TMEM94: variants seen among roughly 807,000 people sequenced by gnomAD.
The protein encoded by TMEM94 is transmembrane protein 94, also known as ER Mg2+ ATPase.
A neutral mutation model predicts 158.6 loss-of-function variants in TMEM94; 81 were observed. That is an observed-to-expected ratio of 0.51 (90% confidence interval 0.43 to 0.61). The LOEUF is 0.61. Ranked by LOEUF, TMEM94 falls within the 20% of genes least tolerant of loss-of-function variation. The pLI, the probability that TMEM94 is intolerant of heterozygous loss-of-function variation, is 0.00. For synonymous variants in TMEM94, 751 were observed against 730.7 expected (o/e 1.03, Z -0.45); for missense variants, 1,435 against 1,762.0 (o/e 0.81, Z 3.32).
intron 1 of TMEM94, chr17:75,459,861 T>A (rs1490956887): frequency 2.6e-5 from 4 of 152,164 alleles, no homozygotes; most frequent in African/African-American, 9.7e-5. Context: ...TGATAGGATT[T>A]AAAAATATTG....
rs749164900 is a variant in TMEM94 at position 75,463,178 on chromosome 17, G to GTATATATATATA, written c.-107+6436_-107+6447dup. On this transcript the variant is annotated intron_variant, in intron 1 of 31. Transcript: ENST00000314256. Reference sequence around the variant, plus strand: ...TATATATATGTGTGTGTGTGTGTGTGTATATATATATATATATATACAGTT... The same window carrying GTATATATATATA: ...TATATATATGTGTGTGTGTGTGTGTGTATATATATATATATATATATATATATATATACAGTT... 3.6e-3 allele frequency among the ~76,000 whole-genome samples: 54 copies of GTATATATATATA among 15,072 alleles called. 5 individuals carry two copies. The highest frequency in any genetic ancestry group is 8.4e-3 in the African/African-American group (51 of 6,052). The allele number at this position is 15,072 out of a possible 152,430, so 9.9% of individuals were successfully genotyped here.
chr17:75,459,094 T>C (rs1427762866), intron 1 of TMEM94, among the ~76,000 whole-genome samples: 1 of 149,894 alleles, frequency 6.7e-6, no homozygotes, highest in Non-Finnish European at 1.5e-5. Flanking sequence ...ACAAATAAAA[T>C]GTAGACTATG....
chr17:75,482,070 C>G (rs1036450666), intron 2 of TMEM94, among the ~76,000 whole-genome samples: 6 of 151,670 alleles, frequency 4.0e-5, no homozygotes, highest in Non-Finnish European at 4.4e-5. Flanking sequence ...GGGCCAGGCA[C>G]AGTGGCTCAG....
chr17:75,469,862 C>T (rs1050077232), intron 1 of TMEM94, among the ~76,000 whole-genome samples: 2 of 151,988 alleles, frequency 1.3e-5, no homozygotes, highest in East Asian at 2.0e-4. Flanking sequence ...CACCTGAGGT[C>T]GGGAGTTTGA....
intron 2 of TMEM94, chr17:75,476,724 A>G (rs1470302787): frequency 5.2e-6 from 8 of 1,535,490 alleles, no homozygotes; most frequent in Middle Eastern, 1.7e-4. Flanking sequence ...TGGATGCCCC[A>G]TCAGGGCAAA....
At position 75,495,883 on chromosome 17, in the gene TMEM94, C is replaced by T. The variant is rs1047462863; in HGVS notation, c.2945-83C>T. The T allele has an allele frequency of 8.7e-6, 9 of 1,031,872 alleles. No homozygotes were observed. The highest frequency in any genetic ancestry group is 1.2e-5 in the Non-Finnish European group (8 of 674,582). The allele number at this position is 1,031,872 out of a possible 1,614,324, so 63.9% of individuals were successfully genotyped here. A position where few individuals can be genotyped will look rare whatever the true frequency, so the allele number is the denominator to read the frequency against. The stretch of plus-strand genomic sequence containing the variant: ...GGGGCCCACCTCCCATCGCCTCCTG[C>T]TCTCCTGTCCCATGGGTCTCTGCCC... On this transcript the variant is annotated intron_variant, in intron 22 of 31. Transcript: ENST00000314256. The surrounding 1 kb of genome is among the most constrained non-coding windows in gnomAD (Gnocchi z 5.6).
chr17:75,498,000 C>T (rs1330370126), intron 27 of TMEM94, 138 bp downstream of exon 27: 7 of 1,170,100 alleles, frequency 6.0e-6, no homozygotes, highest in Non-Finnish European at 8.6e-6. Flanking sequence ...CTAGTCTTCC[C>T]CCAGATCAAA....
intron 1 of TMEM94, among the ~76,000 whole-genome samples, chr17:75,465,654 TTTA>T (rs1405707529): frequency 3.0e-3 from 208 of 68,362 alleles, no homozygotes; most frequent in Non-Finnish European, 4.7e-3. Context: ...TATAAGAATT[TTTA>T]TATATATATA....
chr17:75,477,542 C>G (rs370864347), intron 2 of TMEM94, among the ~76,000 whole-genome samples: 2 of 152,054 alleles, frequency 1.3e-5, no homozygotes, highest in African/African-American at 2.4e-5. Context: ...AGCCACCATG[C>G]CCAGCCAGCC....
At chr17:75,497,344 C>G (rs1399991974) in intron 26 of TMEM94, 146 bp downstream of exon 26, 1 of 130,118 alleles carries the variant, frequency 7.7e-6, no homozygotes. Flanking sequence ...CCCCCTTTGT[C>G]TTTTTTTTTT....
Position 75,462,001 on chromosome 17 carries a change from G to GTTTTTTTTTTTTTTTTTT in TMEM94, c.-107+5254_-107+5255insTTTTTTTTTTTTTTTTTT, listed in dbSNP as rs1230233393. Among the ~76,000 whole-genome samples, 31 of 85,690 alleles carry GTTTTTTTTTTTTTTTTTT rather than the reference G, an allele frequency of 3.6e-4. 5 individuals carry two copies. The highest frequency in any genetic ancestry group is 4.7e-4 in the Non-Finnish European group (23 of 48,618). 56.2% of individuals were successfully genotyped at this position (85,690 alleles called of 152,430 possible). ...TAAATTTTACAGTTTTTTTTGTTTT[G>GTTTTTTTTTTTTTTTTTT]TTTTGTTTTGTTTTTTTTTTTTTTG... On this transcript the variant is annotated intron_variant, in intron 1 of 31. Coordinates refer to ENST00000314256, the MANE Select transcript of TMEM94 (RefSeq NM_014738.6).
intron 2 of TMEM94, among the ~76,000 whole-genome samples, chr17:75,482,286 C>T (rs912035592): frequency 2.7e-5 from 4 of 150,708 alleles, no homozygotes; most frequent in Non-Finnish European, 5.9e-5. Context: ...GCAGAAGTTG[C>T]AGTGAGCTGA....
At chr17:75,499,133 C>G in intron 31 of TMEM94, 51 bp downstream of exon 31, 1 of 1,579,216 alleles carries the variant, frequency 6.3e-7, no homozygotes, top group Non-Finnish European at 8.6e-7. Flanking sequence ...GTTCCCTAAA[C>G]CTGTTACTCC....
chr17:75,481,204 C>T (rs1296980685), intron 2 of TMEM94, among the ~76,000 whole-genome samples: 1 of 152,270 alleles, frequency 6.6e-6, no homozygotes, highest in East Asian at 1.9e-4. Context: ...ACCATGGCCT[C>T]TTTGGGAGGC....
intron 1 of TMEM94, among the ~76,000 whole-genome samples, chr17:75,463,178 G>GTGTGTGTGTATATATATATATATA (rs1180723796): frequency 1.3e-4 from 2 of 15,062 alleles, no homozygotes; most frequent in African/African-American, 3.3e-4. Context: ...GTGTGTGTGT[G>GTGTGTGTGTATATATATATATATA]TATATATATA....
rs2051940264 is a variant in TMEM94, at chr17:75,489,440, C to A, written c.867+72C>A. The A allele has an allele frequency of 4.0e-6, 6 of 1,515,896 alleles. No homozygotes were observed. In the South Asian group the frequency reaches 5.6e-5, roughly 14 times the overall value. The allele number at this position is 1,515,896 out of a possible 1,614,324, so 93.9% of individuals were successfully genotyped here. A position where few individuals can be genotyped will look rare whatever the true frequency, so the allele number is the denominator to read the frequency against. On this transcript the variant is annotated intron_variant, in intron 8 of 31. Transcript: ENST00000314256. The surrounding 1 kb of genome is among the most constrained non-coding windows in gnomAD (Gnocchi z 5.0). The stretch of plus-strand genomic sequence containing the variant: ...GCTGGACACGGGGGGGTCTCAGGGC[C>A]ACTCACATGAGCGGGAGTGAATGCA...
chr17:75,491,749 A>G lies in TMEM94; in HGVS notation c.1445A>G (p.Asn482Ser), dbSNP rs35709918. The G allele has an allele frequency of 2.6e-3, 4,209 of 1,613,994 alleles. 79 individuals are homozygous for G. The African/African-American group carries it at 0.043, about 17-fold the overall frequency. Reference sequence around the variant, plus strand: ...CTGAACAACACCCTGCACCTTTCCAATGAGCAGGAGCGTGGCGACTGGCCT... The same window carrying G: ...CTGAACAACACCCTGCACCTTTCCAGTGAGCAGGAGCGTGGCGACTGGCCT... ...GSLNNTLHLS[N>S]EQERGDWPGE... Residue 482 changes from asparagine (N) to serine (S), a missense_variant, in exon 14 of 32, where the codon AAT (asparagine) becomes AGT (serine). By Grantham distance (46) the Asn-to-Ser change is conservative. This residue lies in a region of TMEM94 where 1,051 missense variants were observed against 1,254.4 expected (regional missense o/e 0.84). Coordinates refer to ENST00000314256, the MANE Select transcript of TMEM94 (RefSeq NM_014738.6). This position sits in a 1 kb window ranked among gnomAD's most constrained non-coding sequence, Gnocchi z 5.1.
chr17:75,467,711 T>G (rs2050358921), intron 1 of TMEM94, among the ~76,000 whole-genome samples: 1 of 151,490 alleles, frequency 6.6e-6, no homozygotes, highest in Middle Eastern at 3.4e-3. Flanking sequence ...TTTTTGTATT[T>G]TTAGTAGAGA....
At chr17:75,477,534 C>A (rs1284914306) in intron 2 of TMEM94, among the ~76,000 whole-genome samples, 1 of 152,104 alleles carries the variant, frequency 6.6e-6, no homozygotes, top group Non-Finnish European at 1.5e-5. Context: ...CAGGCATGAG[C>A]CACCATGCCC....
Sources: gnomAD v4.1 joint callset for allele counts (sites outside exome capture counted in the v4.1 genomes callset) on GRCh38, gnomAD v4.1.1 for gene constraint, gnomAD v4.1.1 regional missense constraint, Gnocchi (gnomAD v3.1) non-coding constraint, MANE v1.5 for transcripts, NCBI Gene and HGNC (gene_info 2026-07-23, HGNC 2026-07-21) for gene names.